PUS10: variants seen among roughly 807,000 people sequenced by gnomAD.
PUS10 encodes pseudouridine synthase 10.
A neutral mutation model predicts 75.0 loss-of-function variants in PUS10; 59 were observed. That is an observed-to-expected ratio of 0.79 (90% CI 0.64 to 0.98). The LOEUF is 0.98. PUS10 is among the 50% of genes least tolerant of loss of function. PUS10 has a pLI of 0.00. For missense variants in PUS10, 650 were observed against 614.4 expected, an observed-to-expected ratio of 1.06 and a Z score of -0.61; for synonymous variants, 219 against 211.6, an observed-to-expected ratio of 1.03 and a Z score of -0.30.
At chr2:60,996,710 G>C (rs983512605) in intron 4 of PUS10, among the ~76,000 whole-genome samples, 1 of 152,100 alleles carries the variant, frequency 6.6e-6, no homozygotes. Flanking sequence ...TGGAGCCTTG[G>C]TTTTCTCCTC....
intron 5 of PUS10, among the ~76,000 whole-genome samples, chr2:60,970,655 G>A (rs10191951): frequency 0.33 from 49,942 of 150,960 alleles, 8,681 homozygotes; most frequent in Middle Eastern, 0.42. Flanking sequence ...GAGCCTGGGC[G>A]GGGGAGGGGA....
Position 60,945,060 on chromosome 2 carries a change from G to A in PUS10, c.1500C>T (p.Asn500=). Residue 500 remains asparagine, a synonymous_variant, in exon 17 of 18, where the codon AAC becomes AAT. Coordinates refer to ENST00000316752, the MANE Select transcript of PUS10 (RefSeq NM_144709.4). ...CAGTCACATTCATCAGGGACCCAATGTTTGGCTTGGTTCTCCCGAAGTCTC... is the reference window on the plus strand; with the variant it reads ...CAGTCACATTCATCAGGGACCCAATATTTGGCTTGGTTCTCCCGAAGTCTC... The part of the protein sequence containing the change: ...VHGDFGRTKP[N]IGSLMNVTAD... 1.9e-6 allele frequency: 3 copies of A among 1,614,088 alleles called. No individual in the cohort carries two copies. The highest frequency in any genetic ancestry group is 1.3e-5 in the African/African-American group (1 of 75,058).
At chr2:60,966,129 G>A (rs1302130718) in intron 6 of PUS10, 1 of 151,758 alleles carries the variant, frequency 6.6e-6, no homozygotes. Context: ...ACATGCTTTT[G>A]GAAAATTGCT....
chr2:61,017,740 G>A lies in PUS10; in HGVS notation c.-16+268C>T, dbSNP rs868805865. ...TGGACAGTCAGGGGTAGGAGCGGGA[G>A]CCGAGAGGAGGCGGAGGAGATGGCG... is the stretch of plus-strand genomic sequence containing the variant. On this transcript the variant is annotated intron_variant, in intron 1 of 17. Transcript: ENST00000316752. The A allele has an allele frequency of 4.5e-6, 7 of 1,546,156 alleles. No individual in the cohort carries two copies. In the Middle Eastern group the frequency reaches 9.8e-4, roughly 217 times the overall value.
intron 17 of PUS10, among the ~76,000 whole-genome samples, chr2:60,943,522 A>G (rs906992967): frequency 1.3e-5 from 2 of 152,006 alleles, no homozygotes; most frequent in African/African-American, 4.8e-5. Flanking sequence ...ATTGACATTT[A>G]AAGTTTAAAA....
chr2:61,011,744 A>G (rs562124779), intron 2 of PUS10, 21 bp downstream of exon 2: 6 of 1,499,546 alleles, frequency 4.0e-6, no homozygotes, highest in African/African-American at 2.9e-5. Flanking sequence ...TTGAAAAAAA[A>G]AAAAAAAGAA....
chr2:60,979,027 C>A (rs1015872742), intron 4 of PUS10, among the ~76,000 whole-genome samples: 2 of 152,030 alleles, frequency 1.3e-5, no homozygotes, highest in Non-Finnish European at 2.9e-5. Context: ...AGAATAATGA[C>A]AATAGAAAAA....
intron 2 of PUS10, chr2:61,010,009 T>C (rs888873036): frequency 2.0e-5 from 3 of 152,314 alleles, no homozygotes; most frequent in African/African-American, 7.2e-5. Flanking sequence ...CAGATGTGCA[T>C]GTACATACAT....
chr2:61,010,788 GT>G (rs1307479066), intron 2 of PUS10: 1 of 1,550,194 alleles, frequency 6.5e-7, no homozygotes. Context: ...CAAATCCTAG[GT>G]TTTGAATTCA....
intron 4 of PUS10, among the ~76,000 whole-genome samples, chr2:60,979,082 CT>C (rs1677217046): frequency 1.3e-5 from 2 of 152,106 alleles, no homozygotes. Flanking sequence ...GCAGTACCCC[CT>C]GCTCCAAACT....
At chr2:60,965,252 C>T in intron 7 of PUS10, 149 bp from the exon 8 acceptor site, 1 of 998,502 alleles carries the variant, frequency 1.0e-6, no homozygotes, top group South Asian at 1.4e-5. Flanking sequence ...TCGGTTTGCC[C>T]AGGAACTATG....
chr2:60,996,025 C>T (rs554655132), intron 4 of PUS10, among the ~76,000 whole-genome samples: 1 of 152,324 alleles, frequency 6.6e-6, no homozygotes, highest in African/African-American at 2.4e-5. Context: ...TCTGAATAAC[C>T]TGCCAACTGC....
intron 16 of PUS10, among the ~76,000 whole-genome samples, chr2:60,946,157 C>T (rs1364913901): frequency 6.6e-6 from 1 of 152,096 alleles, no homozygotes; most frequent in Non-Finnish European, 1.5e-5. Context: ...TCCCCTTCTG[C>T]GTAGCAATGA....
intron 15 of PUS10, among the ~76,000 whole-genome samples, 176 bp downstream of exon 15, chr2:60,952,821 G>A (rs1478444877): frequency 1.3e-5 from 2 of 152,186 alleles, no homozygotes; most frequent in East Asian, 1.9e-4. Context: ...GCTCCAGGGG[G>A]TTAGATGAAC....
intron 8 of PUS10, among the ~76,000 whole-genome samples, chr2:60,964,489 G>A (rs1399234450): frequency 6.6e-6 from 1 of 152,174 alleles, no homozygotes; most frequent in Non-Finnish European, 1.5e-5. Context: ...AGCTAAGAGT[G>A]TATGTTAACT....
At chr2:60,978,522 G>A (rs1677186132) in intron 4 of PUS10, among the ~76,000 whole-genome samples, 1 of 152,010 alleles carries the variant, frequency 6.6e-6, no homozygotes, top group African/African-American at 2.4e-5. Flanking sequence ...AGAGCACTGG[G>A]AAGGTTCTGG....
chr2:60,983,127 A>G (rs1227659278), intron 4 of PUS10, among the ~76,000 whole-genome samples: 1 of 152,076 alleles, frequency 6.6e-6, no homozygotes, highest in Non-Finnish European at 1.5e-5. Flanking sequence ...TCCTGGCCTT[A>G]AGCAATCCTC....
At chr2:60,982,538 C>T (rs1441270682) in intron 4 of PUS10, among the ~76,000 whole-genome samples, 1 of 152,154 alleles carries the variant, frequency 6.6e-6, no homozygotes, top group African/African-American at 2.4e-5. Context: ...GCTGGGATTA[C>T]AGGCGTGAGC....
chr2:60,955,204 A>T (rs945416165), intron 11 of PUS10, 130 bp from the exon 12 acceptor site: 1 of 475,524 alleles, frequency 2.1e-6, no homozygotes, highest in African/African-American at 2.0e-5. Flanking sequence ...GAGAGTCATC[A>T]TCCCACCTCT....
Sources: allele counts gnomAD v4.1 joint callset (sites outside exome capture counted in the v4.1 genomes callset), GRCh38; gene constraint gnomAD v4.1.1; transcripts MANE v1.5; gene names NCBI Gene and HGNC (gene_info 2026-07-23, HGNC 2026-07-21).